QRICH2: variants seen among roughly 807,000 people sequenced by gnomAD.
QRICH2 encodes glutamine-rich protein 2.
Under a neutral mutation model 168.3 loss-of-function variants are expected in QRICH2, and 119 were observed. The ratio of observed to expected loss-of-function variants is 0.71; its 90% CI spans 0.61 to 0.82. The LOEUF (loss-of-function observed/expected upper bound fraction) is 0.82. Among genes scored for constraint, QRICH2 ranks in the 40% least tolerant of loss-of-function variants. The pLI is 0.00. For synonymous variants in QRICH2, 894 were observed against 951.2 expected, an observed-to-expected ratio of 0.94 and a Z score of 1.11; for missense variants, 2,241 against 2,491.6, an observed-to-expected ratio of 0.90 and a Z score of 2.14.
At chr17:76,294,055 T>C in intron 3 of QRICH2, 34 bp from the exon 4 acceptor site, 1 of 1,553,366 alleles carries the variant, frequency 6.4e-7, no homozygotes, top group Non-Finnish European at 8.7e-7. Flanking sequence ...TCAATAACAG[T>C]CAAAATATTC....
intron 14 of QRICH2, 39 bp from the exon 15 acceptor site, chr17:76,278,228 T>C (rs746106498): frequency 1.9e-6 from 3 of 1,587,022 alleles, no homozygotes; most frequent in South Asian, 2.2e-5. Flanking sequence ...GGTTGGCCCA[T>C]GGCGGGGGCC....
intron 6 of QRICH2, 76 bp from the exon 7 acceptor site, chr17:76,287,382 C>T (rs2070909143): frequency 4.0e-6 from 4 of 996,016 alleles, no homozygotes; most frequent in Middle Eastern, 4.1e-4. Flanking sequence ...ATCAGGGACG[C>T]AGGGGGATGC....
At chr17:76,303,952 TC>T (rs2070947771) in intron 3 of QRICH2, among the ~76,000 whole-genome samples, 1 of 150,678 alleles carries the variant, frequency 6.6e-6, no homozygotes, top group African/African-American at 2.4e-5. Context: ...GTCACCATGG[TC>T]CACTAATAAG....
In QRICH2 at chr17:76,307,076, C is replaced by A. The variant is rs1015556642; in HGVS notation, c.534+389G>T. On this transcript the variant is annotated intron_variant, in intron 1 of 18. Coordinates refer to ENST00000680821, the MANE Select transcript of QRICH2 (RefSeq NM_001388453.1). The surrounding 1 kb of genome is among the most constrained non-coding windows in gnomAD (Gnocchi z 5.3). ...ACTCTAAGAATCTTCTGAGAAGTTGCCGGCCCCACTCTGAGCCAGCTCTGG... is the reference window on the plus strand; with the variant it reads ...ACTCTAAGAATCTTCTGAGAAGTTGACGGCCCCACTCTGAGCCAGCTCTGG... 1.3e-5 allele frequency among the ~76,000 whole-genome samples: 2 copies of A among 152,094 alleles called. No individual in the cohort carries two copies. The highest frequency in any genetic ancestry group is 4.8e-5 in the African/African-American group (2 of 41,406).
chr17:76,283,347 G>T (rs1157978494), intron 7 of QRICH2, among the ~76,000 whole-genome samples: 7 of 152,248 alleles, frequency 4.6e-5, no homozygotes, highest in Non-Finnish European at 8.8e-5. Context: ...GGTGGCTAAA[G>T]ATGGGGCATG....
At chr17:76,305,935 C>T (rs1251048722) in intron 1 of QRICH2, among the ~76,000 whole-genome samples, 9 of 151,990 alleles carry the variant, frequency 5.9e-5, no homozygotes, top group African/African-American at 1.9e-4. Context: ...TTTGGGAAGC[C>T]GAGGCAGGAG....
At chr17:76,275,185 T>G (rs1006544127) in intron 18 of QRICH2, among the ~76,000 whole-genome samples, 1 of 151,970 alleles carries the variant, frequency 6.6e-6, no homozygotes, top group Non-Finnish European at 1.5e-5. Context: ...CAGCTTTTAT[T>G]AGATTCTTGG....
Position 76,283,485 on chromosome 17 carries a change from C to T in QRICH2, c.4012-1370G>A, listed in dbSNP as rs373350831. 1.1e-4 allele frequency among the ~76,000 whole-genome samples: 17 copies of T among 152,308 alleles called. No individual in the cohort carries two copies. In the East Asian group the frequency reaches 2.7e-3, roughly 24 times the overall value. On this transcript the variant is annotated intron_variant, in intron 7 of 18. Coordinates refer to ENST00000680821, the MANE Select transcript of QRICH2 (RefSeq NM_001388453.1). Reference sequence around the variant, plus strand: ...CTTGGACTGACAGGTGACTCTTAAACGCTCCCAGCTGCTCCTCAGGCAGGA... The same window carrying T: ...CTTGGACTGACAGGTGACTCTTAAATGCTCCCAGCTGCTCCTCAGGCAGGA...
At chr17:76,286,703 C>T (rs776778539) in intron 7 of QRICH2, among the ~76,000 whole-genome samples, 3 of 151,494 alleles carry the variant, frequency 2.0e-5, no homozygotes, top group African/African-American at 7.3e-5. Flanking sequence ...GGTGAAACCC[C>T]GTCTCTACTA....
Position 76,280,493 on chromosome 17 carries a change from C to A in QRICH2, c.4462-42G>T. 1 of 1,606,438 alleles carries A rather than the reference C, an allele frequency of 6.2e-7. No homozygotes were observed. Among genetic ancestry groups the A allele is most frequent in the Non-Finnish European group, 8.5e-7 (1 of 1,176,080 alleles). On this transcript the variant is annotated intron_variant, in intron 10 of 18. Coordinates refer to ENST00000680821, the MANE Select transcript of QRICH2 (RefSeq NM_001388453.1). The surrounding 1 kb of genome is among the most constrained non-coding windows in gnomAD (Gnocchi z 7.4). Reference sequence around the variant, plus strand: ...AGAGGTCCCCGCATCTGGGAGATGGCCATGGAGGGGCCCCATTCCCTGGGG... The same window carrying A: ...AGAGGTCCCCGCATCTGGGAGATGGACATGGAGGGGCCCCATTCCCTGGGG...
chr17:76,292,164 C>T lies in QRICH2; in HGVS notation c.2563G>A (p.Gly855Ser). 2 of 1,495,094 alleles carry T rather than the reference C, an allele frequency of 1.3e-6. No homozygotes were observed. The highest frequency in any genetic ancestry group is 1.2e-5 in the South Asian group (1 of 80,068). 92.6% of individuals were successfully genotyped at this position (1,495,094 alleles called of 1,614,324 possible). A position where few individuals can be genotyped will look rare whatever the true frequency, so the allele number is the denominator to read the frequency against. Residue 855 changes from glycine to serine, a missense_variant, in exon 4 of 19, where the codon GGT becomes AGT. Coordinates refer to ENST00000680821, the MANE Select transcript of QRICH2 (RefSeq NM_001388453.1). The part of the protein sequence containing the change: ...GAVQHGLVQP[G>S]ADQRGLVQPG... ...TGGACCAAACCACGCTGATCTGCAC[C>T]AGGTTGGACCAAACCATGCTGAACT...
chr17:76,303,745 C>T (rs192382705), intron 3 of QRICH2, among the ~76,000 whole-genome samples: 3 of 151,780 alleles, frequency 2.0e-5, no homozygotes, highest in African/African-American at 7.2e-5. Flanking sequence ...TGGTGGTGGG[C>T]GCCTGTAGTC....
In QRICH2 at chr17:76,281,946, A is replaced by ACCAGC; in HGVS notation, c.4176_4180dup (p.Val1394GlyfsTer96). The ACCAGC allele has an allele frequency of 6.2e-7, 1 of 1,613,844 alleles. No individual in the cohort carries two copies. The highest frequency in any genetic ancestry group is 1.1e-5 in the South Asian group (1 of 91,076). On this transcript the variant is annotated frameshift_variant, in exon 8 of 19. Coordinates refer to ENST00000680821, the MANE Select transcript of QRICH2 (RefSeq NM_001388453.1). LOFTEE classifies it high-confidence loss of function. The surrounding 1 kb of genome is among the most constrained non-coding windows in gnomAD (Gnocchi z 4.4). ...GTCTTGGAGTTGCTCATAGCGCCGC[A>ACCAGC]CCAGCGTGCTGACCTGATGGCTCAC... is the stretch of plus-strand genomic sequence containing the variant.
chr17:76,295,308 T>G (rs2070778291), intron 3 of QRICH2, among the ~76,000 whole-genome samples: 1 of 151,966 alleles, frequency 6.6e-6, no homozygotes, highest in Non-Finnish European at 1.5e-5. Context: ...GCTCCATTGT[T>G]GACCCATTGC....
At chr17:76,275,004 A>G (rs1183242948) in intron 18 of QRICH2, among the ~76,000 whole-genome samples, 1 of 151,870 alleles carries the variant, frequency 6.6e-6, no homozygotes, top group Non-Finnish European at 1.5e-5. Flanking sequence ...TTCTGTTGTG[A>G]TTTCCTCCTC....
Position 76,291,512 on chromosome 17 carries a change from T to G in QRICH2, c.3215A>C (p.His1072Pro). 6.2e-7 allele frequency: 1 copy of G among 1,613,926 alleles called. No individual in the cohort carries two copies. Among genetic ancestry groups the G allele is most frequent in the South Asian group, 1.1e-5 (1 of 91,082 alleles). ...TGATGCCACATGCTGTTGATCTGGGTGTGTAGATCCCAAACCTGTACTCAG... is the reference window on the plus strand; with the variant it reads ...TGATGCCACATGCTGTTGATCTGGGGGTGTAGATCCCAAACCTGTACTCAG... ...IPLSTGLGST[H>P]PDQQHVASPG... is the part of the protein sequence containing the mutation. The change falls in exon 4 of 19, where the codon CAC becomes CCC. Residue 1072 changes from histidine (H) to proline (P), a missense_variant. Physicochemically the swap from His to Pro is moderately conservative, Grantham distance 77. Coordinates refer to ENST00000680821, the MANE Select transcript of QRICH2 (RefSeq NM_001388453.1).
At chr17:76,274,419 C>T (rs909273677) in intron 18 of QRICH2, among the ~76,000 whole-genome samples, 159 bp from the exon 19 acceptor site, 1 of 152,212 alleles carries the variant, frequency 6.6e-6, no homozygotes, top group Non-Finnish European at 1.5e-5. Flanking sequence ...GGGCACGGCG[C>T]AGGCCCATCT....
At position 76,307,978 on chromosome 17, in the gene QRICH2, G is replaced by C; in HGVS notation, c.21C>G (p.Val7=). 13 of 1,233,304 alleles carry C rather than the reference G, an allele frequency of 1.1e-5. No homozygotes were observed. The highest frequency in any genetic ancestry group is 1.3e-5 in the Non-Finnish European group (13 of 988,544). 76.4% of individuals were successfully genotyped at this position (1,233,304 alleles called of 1,614,324 possible). A position where few individuals can be genotyped will look rare whatever the true frequency, so the allele number is the denominator to read the frequency against. ...AGAGGTCCGCCAGCTCCCGGAGGGA[G>C]ACCGTGGTCGCGGGCGGCATCGTGG... is the stretch of plus-strand genomic sequence containing the variant. MPPATT[V]SLRELADLSI... The change falls in exon 1 of 19, where the codon GTC becomes GTG. Residue 7 remains valine (V), a synonymous_variant. Coordinates refer to ENST00000680821, the MANE Select transcript of QRICH2 (RefSeq NM_001388453.1). The surrounding 1 kb of genome is among the most constrained non-coding windows in gnomAD (Gnocchi z 5.3).
Position 76,307,849 on chromosome 17 carries a change from G to C in QRICH2, c.150C>G (p.Phe50Leu). 2 of 1,280,230 alleles carry C rather than the reference G, an allele frequency of 1.6e-6. No individual in the cohort carries two copies. The highest frequency in any genetic ancestry group is 7.6e-5 in the Admixed American group (2 of 26,146). The allele number at this position is 1,280,230 out of a possible 1,614,324, so 79.3% of individuals were successfully genotyped here. ...NLDLQNTRID[F>L]QPSSPEPSRS... The stretch of plus-strand genomic sequence containing the variant: ...GGCTGGGCTCGGGCGACGAGGGCTG[G>C]AAGTCGATCCGGGTATTTTGGAGGT... The change falls in exon 1 of 19, where the codon TTC becomes TTG. Residue 50 changes from phenylalanine to leucine, a missense_variant. Around this residue, in one of 3 missense-constraint regions of QRICH2, gnomAD observed 2,047 missense variants for 2,303.8 expected, o/e 0.89. Transcript: ENST00000680821. The surrounding 1 kb of genome is among the most constrained non-coding windows in gnomAD (Gnocchi z 5.3).
Sources: gnomAD v4.1 joint callset for allele counts (sites outside exome capture counted in the v4.1 genomes callset) on GRCh38, gnomAD v4.1.1 for gene constraint, gnomAD v4.1.1 regional missense constraint, Gnocchi (gnomAD v3.1) non-coding constraint, MANE v1.5 for transcripts, NCBI Gene and HGNC (gene_info 2026-07-23, HGNC 2026-07-21) for gene names.